The following PHTF2 variants were observed in gnomAD, a reference collection of about 807,000 sequenced individuals.
The protein encoded by PHTF2 is putative homeodomain transcription factor 2.
A neutral mutation model predicts 101.2 loss-of-function variants in PHTF2; 60 were observed. The ratio of observed to expected loss-of-function variants is 0.59; its 90% CI spans 0.48 to 0.73. The LOEUF is 0.73. Among genes scored for constraint, PHTF2 ranks in the 30% least tolerant of loss-of-function variants. PHTF2 has a pLI of 0.00. For synonymous variants in PHTF2, 311 were observed against 307.3 expected, an observed-to-expected ratio of 1.01 and a Z score of -0.13; for missense variants, 747 against 908.7, an observed-to-expected ratio of 0.82 and a Z score of 2.29.
At chr7:77,844,735 G>A (rs1796143843) in intron 2 of PHTF2, among the ~76,000 whole-genome samples, 1 of 152,162 alleles carries the variant, frequency 6.6e-6, no homozygotes, top group African/African-American at 2.4e-5. Flanking sequence ...GTGTTGGCCA[G>A]GCTGGTCTCG....
intron 1 of PHTF2, among the ~76,000 whole-genome samples, chr7:77,822,506 G>C (rs983387619): frequency 1.3e-5 from 2 of 152,224 alleles, no homozygotes; most frequent in Non-Finnish European, 2.9e-5. Context: ...GCAGCTGCAT[G>C]AATTCCTGGC....
chr7:77,905,533 C>G (rs899477576), intron 7 of PHTF2, among the ~76,000 whole-genome samples: 1 of 149,300 alleles, frequency 6.7e-6, no homozygotes, highest in South Asian at 2.1e-4. Context: ...CAGTTTCTCT[C>G]TGTTGCTCAG....
chr7:77,818,144 G>A (rs1794005361), intron 1 of PHTF2, among the ~76,000 whole-genome samples: 3 of 150,452 alleles, frequency 2.0e-5, no homozygotes, highest in South Asian at 4.2e-4. Context: ...TGAGTTCCTT[G>A]TATATTCTGG....
chr7:77,945,634 TA>T (rs1805988621), intron 16 of PHTF2, among the ~76,000 whole-genome samples: 2 of 152,324 alleles, frequency 1.3e-5, no homozygotes, highest in South Asian at 4.1e-4. Flanking sequence ...AAGAGCACAC[TA>T]TTAAACTGTA....
chr7:77,930,805 C>G (rs533596669), intron 12 of PHTF2, among the ~76,000 whole-genome samples: 1 of 152,300 alleles, frequency 6.6e-6, no homozygotes, highest in South Asian at 2.1e-4. Context: ...GTCTCTTTAC[C>G]TCTGTCTGGT....
At chr7:77,935,368 A>G (rs1454311882) in intron 12 of PHTF2, among the ~76,000 whole-genome samples, 1 of 151,826 alleles carries the variant, frequency 6.6e-6, no homozygotes, top group Non-Finnish European at 1.5e-5. Context: ...GACTACAGGC[A>G]CCAGCCACCA....
intron 12 of PHTF2, among the ~76,000 whole-genome samples, chr7:77,933,819 T>C (rs1220009318): frequency 6.7e-6 from 1 of 150,074 alleles, no homozygotes; most frequent in Non-Finnish European, 1.5e-5. Flanking sequence ...TTTCAAAACA[T>C]GCCAATTAGG....
chr7:77,833,368 A>G (rs1212396097), intron 1 of PHTF2, among the ~76,000 whole-genome samples: 5 of 152,190 alleles, frequency 3.3e-5, no homozygotes, highest in Non-Finnish European at 7.3e-5. Context: ...ATACTTGTGG[A>G]TTTTATTTTG....
chr7:77,857,880 T>G (rs1415738483), intron 3 of PHTF2, among the ~76,000 whole-genome samples: 1 of 152,192 alleles, frequency 6.6e-6, no homozygotes, highest in Non-Finnish European at 1.5e-5. Context: ...AACCCAGAGT[T>G]ATTGCTTTAT....
intron 1 of PHTF2, among the ~76,000 whole-genome samples, chr7:77,805,036 G>C (rs530906185): frequency 2.3e-4 from 35 of 152,258 alleles, no homozygotes; most frequent in African/African-American, 7.5e-4. Flanking sequence ...GCACATGTAG[G>C]CTTGGTAGGC....
chr7:77,903,208 T>A (rs551080931), intron 7 of PHTF2, among the ~76,000 whole-genome samples: 1 of 152,328 alleles, frequency 6.6e-6, no homozygotes, highest in East Asian at 1.9e-4. Context: ...TTTGCTATTA[T>A]AATTACTGCT....
At chr7:77,894,710 ACT>A (rs781079371) in intron 5 of PHTF2, among the ~76,000 whole-genome samples, 60 of 152,130 alleles carry the variant, frequency 3.9e-4, no homozygotes, top group Non-Finnish European at 8.2e-4. Flanking sequence ...CATGTCTAAA[ACT>A]CTATAGAAGA....
intron 9 of PHTF2, 64 bp from the exon 9 acceptor site, chr7:77,920,215 T>G: frequency 1.2e-6 from 1 of 801,470 alleles, no homozygotes; most frequent in Non-Finnish European, 2.0e-6. Context: ...GATTATAATT[T>G]CTATCAGTAA....
chr7:77,799,370 G>C lies in PHTF2; in HGVS notation c.-36+399G>C, dbSNP rs549025872. Among the ~76,000 whole-genome samples the C allele has an allele frequency of 3.3e-5, 5 of 152,334 alleles. No homozygotes were observed. The South Asian group carries it at 1.0e-3, about 32-fold the overall frequency. Reference sequence around the variant, plus strand: ...GTCGGGTCCTGGAAGGGCGTTCAGGGGTCTCGGGTGGCTAGCCCGGCTGGC... The same window carrying C: ...GTCGGGTCCTGGAAGGGCGTTCAGGCGTCTCGGGTGGCTAGCCCGGCTGGC... On this transcript the variant is annotated intron_variant, in intron 1 of 19. Coordinates refer to ENST00000416283, the Ensembl canonical transcript of PHTF2.
At chr7:77,922,049 G>T (rs1190956791) in intron 10 of PHTF2, among the ~76,000 whole-genome samples, 1 of 126,138 alleles carries the variant, frequency 7.9e-6, no homozygotes, top group African/African-American at 3.1e-5. Context: ...TTGAGACATG[G>T]TCTCACTATG....
intron 1 of PHTF2, among the ~76,000 whole-genome samples, chr7:77,809,664 C>T (rs565221025): frequency 6.5e-4 from 99 of 152,150 alleles, no homozygotes; most frequent in Non-Finnish European, 1.2e-3. Context: ...CAGTTTTTAT[C>T]GTCTTTGGAA....
At chr7:77,921,703 G>A (rs192325160) in intron 10 of PHTF2, among the ~76,000 whole-genome samples, 2 of 152,154 alleles carry the variant, frequency 1.3e-5, no homozygotes, top group East Asian at 3.9e-4. Context: ...TTTCAAACAC[G>A]TTTTCAGGCT....
At chr7:77,952,460 G>GA (rs1306948940) in intron 18 of PHTF2, among the ~76,000 whole-genome samples, 2 of 152,154 alleles carry the variant, frequency 1.3e-5, no homozygotes, top group Non-Finnish European at 2.9e-5. Context: ...AGTGGGTGGG[G>GA]GGATAATAAA....
At chr7:77,956,416 C>T (rs1047963) in exon 20 of PHTF2, 3,366 of 152,586 alleles carry the variant, frequency 0.022, 52 homozygotes, top group Middle Eastern at 0.072. Flanking sequence ...TCAATTCAGC[C>T]TCATTGTGTA....
Sources: gnomAD v4.1 joint callset for allele counts (sites outside exome capture counted in the v4.1 genomes callset) on GRCh38, gnomAD v4.1.1 for gene constraint, MANE v1.5 for transcripts, NCBI Gene and HGNC (gene_info 2026-07-23, HGNC 2026-07-21) for gene names.